Variants in GNAQ observed in about 807,000 individuals in gnomAD.
GNAQ encodes the protein G protein subunit alpha q.
Under a neutral mutation model 43.9 loss-of-function variants are expected in GNAQ, and 8 were observed. That is an observed-to-expected ratio of 0.18 (90% CI 0.11 to 0.33). The LOEUF (loss-of-function observed/expected upper bound fraction) is 0.33, where lower values mean the gene tolerates loss of function less well. GNAQ is among the 10% of genes least tolerant of loss of function. The pLI is 1.00. For synonymous variants in GNAQ, 155 were observed against 170.7 expected (o/e 0.91, Z 0.71); for missense variants, 158 against 450.8 (o/e 0.35, Z 5.88).
chr9:77,881,858 C>A (rs927612501), intron 2 of GNAQ, among the ~76,000 whole-genome samples: 1 of 152,178 alleles, frequency 6.6e-6, no homozygotes, highest in Non-Finnish European at 1.5e-5. Context: ...GCATTATGGG[C>A]CGGGCATGGT....
intron 1 of GNAQ, among the ~76,000 whole-genome samples, chr9:77,948,058 TAGAC>T (rs1822926973): frequency 1.3e-5 from 2 of 152,230 alleles, no homozygotes; most frequent in South Asian, 2.1e-4. Context: ...AAGAAAGTGT[TAGAC>T]AGGTGTTAAC....
chr9:77,754,055 A>G (rs539847876), intron 5 of GNAQ, among the ~76,000 whole-genome samples: 1 of 152,216 alleles, frequency 6.6e-6, no homozygotes, highest in East Asian at 1.9e-4. Context: ...GAGAAGTGTA[A>G]AGAAACCAAA....
At chr9:77,900,425 A>C (rs1828583602) in intron 2 of GNAQ, among the ~76,000 whole-genome samples, 1 of 152,198 alleles carries the variant, frequency 6.6e-6, no homozygotes. Context: ...TTTCATGGAA[A>C]ACTGTGGGAT....
At chr9:78,014,426 T>C (rs1016961609) in intron 1 of GNAQ, among the ~76,000 whole-genome samples, 2 of 152,144 alleles carry the variant, frequency 1.3e-5, no homozygotes, top group South Asian at 2.1e-4. Flanking sequence ...CCGACCAACA[T>C]GGTGAAACCC....
At chr9:78,014,734 T>C (rs1823816165) in intron 1 of GNAQ, among the ~76,000 whole-genome samples, 1 of 152,194 alleles carries the variant, frequency 6.6e-6, no homozygotes, top group South Asian at 2.1e-4. Context: ...CAAGATATAA[T>C]AGCATTAACT....
rs1825923270 is a variant in GNAQ at position 77,757,504 on chromosome 9, C to T, written c.736-28837G>A. 2.0e-5 allele frequency among the ~76,000 whole-genome samples: 3 copies of T among 152,202 alleles called. No individual in the cohort carries two copies. In the South Asian group the frequency reaches 6.2e-4, roughly 32 times the overall value. On this transcript the variant is annotated intron_variant, in intron 5 of 6. Transcript: ENST00000286548. Reference sequence around the variant, plus strand: ...TTAATGCTTCCTGTTAGAAAGAAAACTACAAATATATCCTTCACATCTGTA... The same window carrying T: ...TTAATGCTTCCTGTTAGAAAGAAAATTACAAATATATCCTTCACATCTGTA...
At chr9:77,832,653 A>G (rs1247434711) in intron 2 of GNAQ, among the ~76,000 whole-genome samples, 1 of 152,238 alleles carries the variant, frequency 6.6e-6, no homozygotes, top group Non-Finnish European at 1.5e-5. Context: ...AACTGAATGC[A>G]TATTTCCCAG....
At chr9:77,753,141 C>CTGA (rs973670258) in intron 5 of GNAQ, among the ~76,000 whole-genome samples, 3 of 150,470 alleles carry the variant, frequency 2.0e-5, no homozygotes, top group African/African-American at 7.3e-5. Context: ...GTTGGCTTCA[C>CTGA]TGATAATCTT....
chr9:77,871,416 AAG>A (rs1828036793), intron 2 of GNAQ, among the ~76,000 whole-genome samples: 1 of 152,190 alleles, frequency 6.6e-6, no homozygotes, highest in African/African-American at 2.4e-5. Flanking sequence ...AGAGCTGAGA[AAG>A]GTGATTTTCA....
chr9:77,987,336 T>C (rs1172192665), intron 1 of GNAQ, among the ~76,000 whole-genome samples: 1 of 151,596 alleles, frequency 6.6e-6, no homozygotes, highest in African/African-American at 2.4e-5. Context: ...TAGGAGTCAG[T>C]TAGACCGAAA....
At position 77,942,986 on chromosome 9, in the gene GNAQ, T is replaced by C. The variant is rs559049803; in HGVS notation, c.137-20641A>G. Among the ~76,000 whole-genome samples the C allele has an allele frequency of 3.2e-4, 48 of 152,336 alleles. 1 individual carries two copies. The highest frequency in any genetic ancestry group is 5.1e-4 in the Non-Finnish European group (35 of 68,026). On this transcript the variant is annotated intron_variant, in intron 1 of 6. Coordinates refer to ENST00000286548, the MANE Select transcript of GNAQ (RefSeq NM_002072.5). ...CTGTAAATGAGTGAATTTACCTTTCTGGTTTTCATTTATCATTAAATGGGC... is the reference window on the plus strand; with the variant it reads ...CTGTAAATGAGTGAATTTACCTTTCCGGTTTTCATTTATCATTAAATGGGC...
intron 3 of GNAQ, among the ~76,000 whole-genome samples, chr9:77,801,899 G>T (rs550592086): frequency 6.6e-6 from 1 of 152,254 alleles, no homozygotes; most frequent in East Asian, 1.9e-4. Context: ...TTTTGGCTGG[G>T]CGCAGTGGCT....
At position 77,933,399 on chromosome 9, in the gene GNAQ, C is replaced by T. The variant is rs557727992; in HGVS notation, c.137-11054G>A. Among the ~76,000 whole-genome samples the T allele has an allele frequency of 1.6e-3, 243 of 152,296 alleles. 1 individual carries two copies. Among genetic ancestry groups the T allele is most frequent in the African/African-American group, 5.6e-3 (233 of 41,550 alleles). On this transcript the variant is annotated intron_variant, in intron 1 of 6. Coordinates refer to ENST00000286548, the MANE Select transcript of GNAQ (RefSeq NM_002072.5). The stretch of plus-strand genomic sequence containing the variant: ...GGCATCATCTGGCCAGGAGCGGCGG[C>T]TCATGCCTATAATCCCAGCACTTTG...
At chr9:77,950,929 T>C (rs1216789184) in intron 1 of GNAQ, among the ~76,000 whole-genome samples, 2 of 152,082 alleles carry the variant, frequency 1.3e-5, no homozygotes, top group Admixed American at 6.6e-5. Flanking sequence ...AACATCTATA[T>C]TTAAAAAGGT....
chr9:77,938,576 A>G (rs1295998078), intron 1 of GNAQ, among the ~76,000 whole-genome samples: 2 of 152,218 alleles, frequency 1.3e-5, no homozygotes, highest in Non-Finnish European at 2.9e-5. Context: ...GGAAGGACTT[A>G]ATATTGAAAA....
chr9:77,751,800 A>G (rs1433206670), intron 5 of GNAQ, among the ~76,000 whole-genome samples: 2 of 152,098 alleles, frequency 1.3e-5, no homozygotes, highest in Non-Finnish European at 2.9e-5. Context: ...AAAAACAAAC[A>G]AACAAACAAA....
chr9:77,821,453 T>C (rs1220187119), intron 2 of GNAQ, among the ~76,000 whole-genome samples: 4 of 152,176 alleles, frequency 2.6e-5, no homozygotes, highest in Admixed American at 2.6e-4. Flanking sequence ...ATTCTTCTAT[T>C]TGGTTCTTTG....
chr9:77,743,182 C>G (rs779933606), intron 5 of GNAQ, among the ~76,000 whole-genome samples: 1 of 152,224 alleles, frequency 6.6e-6, no homozygotes, highest in East Asian at 1.9e-4. Context: ...AGCTTGAACC[C>G]GGGAGGCGGA....
rs1366330024 is a variant in GNAQ at position 77,904,670 on chromosome 9, G to T, written c.321+17491C>A. Among the ~76,000 whole-genome samples, 5 of 152,114 alleles carry T rather than the reference G, an allele frequency of 3.3e-5. 1 individual carries two copies. The highest frequency in any genetic ancestry group is 5.9e-5 in the Non-Finnish European group (4 of 68,036). On this transcript the variant is annotated intron_variant, in intron 2 of 6. Transcript: ENST00000286548. Reference sequence around the variant, plus strand: ...AAGAATAAAGTTCACATAATAATTAGTGCTTAGGTAAAATAATTAGCAAGT... The same window carrying T: ...AAGAATAAAGTTCACATAATAATTATTGCTTAGGTAAAATAATTAGCAAGT...
Sources: allele counts gnomAD v4.1 joint callset (sites outside exome capture counted in the v4.1 genomes callset), GRCh38; gene constraint gnomAD v4.1.1; transcripts MANE v1.5; gene names NCBI Gene and HGNC (gene_info 2026-07-23, HGNC 2026-07-21).